The following RRP15 variants were observed in gnomAD, a reference collection of about 807,000 sequenced individuals.
RRP15 encodes RRP15-like protein.
In RRP15, 18 loss-of-function variants were observed where a neutral mutation model predicts 27.1. That is an observed-to-expected ratio of 0.66 (90% confidence interval 0.46 to 0.98). The LOEUF (loss-of-function observed/expected upper bound fraction) is 0.98. RRP15 is among the 50% of genes least tolerant of loss of function. The probability of loss-of-function intolerance (pLI) is 0.00; values close to 1 mark genes in which losing one functional copy is unlikely to be tolerated. For synonymous variants in RRP15, 107 were observed against 109.4 expected (o/e 0.98, Z 0.14); for missense variants, 359 against 337.8 (o/e 1.06, Z -0.49).
rs1655840322 is a variant in RRP15 at position 218,303,097 on chromosome 1, CTATT to C, written c.405+539_405+542del. On this transcript the variant is annotated intron_variant, in intron 2 of 4. Transcript: ENST00000366932. ...TGATAGTTGTTAGACTAGGTATAAT[CTATT>C]AATTAAAGGCCAAAAGTTGTACATA... Among the ~76,000 whole-genome samples, 4 of 152,024 alleles carry C rather than the reference CTATT, an allele frequency of 2.6e-5. No individual in the cohort carries two copies. In the South Asian group the frequency reaches 8.3e-4, roughly 31 times the overall value.
At chr1:218,323,533 C>A (rs1656221540) in intron 4 of RRP15, among the ~76,000 whole-genome samples, 1 of 152,150 alleles carries the variant, frequency 6.6e-6, no homozygotes, top group African/African-American at 2.4e-5. Context: ...CCACTCTGGT[C>A]CCCAGGACTG....
Position 218,302,307 on chromosome 1 carries a change from G to C in RRP15, c.153G>C (p.Ser51=). ...TTGGTTCTATAGGAAGCTGTGGATC[G>C]GAAAAGGACCACTTTTATTCTGATG... ...DTSDSEGSCG[S]EKDHFYSDDD... is the part of the protein sequence containing the mutation. Residue 51 remains serine, a synonymous_variant, in exon 2 of 5, where the codon TCG becomes TCC. Transcript: ENST00000366932. 3 of 1,612,300 alleles carry C rather than the reference G, an allele frequency of 1.9e-6. No individual in the cohort carries two copies. The highest frequency in any genetic ancestry group is 2.5e-6 in the Non-Finnish European group (3 of 1,178,834).
intron 1 of RRP15, among the ~76,000 whole-genome samples, chr1:218,290,460 GTTTGTT>G (rs1655621997): frequency 1.3e-5 from 2 of 151,964 alleles, no homozygotes; most frequent in Admixed American, 6.6e-5. Flanking sequence ...TTGTTTGTTT[GTTTGTT>G]TTTGTTTTTG....
At chr1:218,301,053 C>T (rs1431146456) in intron 1 of RRP15, among the ~76,000 whole-genome samples, 1 of 152,138 alleles carries the variant, frequency 6.6e-6, no homozygotes, top group Admixed American at 6.5e-5. Context: ...AATATTGTTA[C>T]ATTTGTAGAG....
chr1:218,300,928 G>C (rs1053938896), intron 1 of RRP15, among the ~76,000 whole-genome samples: 8 of 152,280 alleles, frequency 5.3e-5, no homozygotes, highest in African/African-American at 1.9e-4. Context: ...ACAGAATTGA[G>C]TAAAGTAAGG....
rs1250355559 is a variant in RRP15, at chr1:218,335,919, TA to T, written c.*4830del. 1 of 152,234 alleles carries T rather than the reference TA, an allele frequency of 6.6e-6. No individual in the cohort carries two copies. The highest frequency in any genetic ancestry group is 1.5e-5 in the Non-Finnish European group (1 of 68,042). The allele number at this position is 152,234 out of a possible 1,614,324, so 9.4% of individuals were successfully genotyped here. On this transcript the variant is annotated 3_prime_UTR_variant, in exon 5 of 5. Coordinates refer to ENST00000366932, the MANE Select transcript of RRP15 (RefSeq NM_016052.4). ...GTCCTTAAATGTTAAGCCACTTAGTTAATAACAAATAGCATTTGGTTTTTTA... is the reference window on the plus strand; with the variant it reads ...GTCCTTAAATGTTAAGCCACTTAGTTATAACAAATAGCATTTGGTTTTTTA...
intron 1 of RRP15, among the ~76,000 whole-genome samples, chr1:218,298,426 G>A (rs1389437063): frequency 6.6e-6 from 1 of 152,100 alleles, no homozygotes; most frequent in Non-Finnish European, 1.5e-5. Context: ...GAGAAACCTA[G>A]ATTTAGATTT....
chr1:218,302,508 G>T lies in RRP15; in HGVS notation c.354G>T (p.Leu118=), dbSNP rs747858158. 1.9e-5 allele frequency: 31 copies of T among 1,612,628 alleles called. No homozygotes were observed. The highest frequency in any genetic ancestry group is 2.6e-5 in the Non-Finnish European group (31 of 1,179,668). The change falls in exon 2 of 5, where the codon CTG becomes CTT. Residue 118 remains leucine, a synonymous_variant. Transcript: ENST00000366932. The part of the protein sequence containing the change: ...KPTILVKNKK[L]EKEKEKLKQE... ...CTATTCTGGTCAAAAATAAGAAGCT[G>T]GAAAAGGAAAAAGAAAAGTTAAAGC...
intron 4 of RRP15, among the ~76,000 whole-genome samples, chr1:218,308,521 T>G (rs1242059056): frequency 6.6e-6 from 1 of 152,208 alleles, no homozygotes; most frequent in Non-Finnish European, 1.5e-5. Flanking sequence ...CAAAGGTACT[T>G]TTAATCAGTC....
At chr1:218,320,635 GGTACATATGTC>G (rs1321931974) in intron 4 of RRP15, among the ~76,000 whole-genome samples, 13 of 151,782 alleles carry the variant, frequency 8.6e-5, no homozygotes, top group African/African-American at 3.1e-4. Flanking sequence ...ATATGTAGTG[GGTACATATGTC>G]CACATTTTGC....
At chr1:218,311,890 G>A (rs183098009) in intron 4 of RRP15, among the ~76,000 whole-genome samples, 3 of 152,198 alleles carry the variant, frequency 2.0e-5, no homozygotes, top group Admixed American at 6.5e-5. Context: ...AGGTAATCTC[G>A]AATTATTCGG....
At position 218,302,289 on chromosome 1, in the gene RRP15, T is replaced by G; in HGVS notation, c.140-5T>G. On this transcript the variant is annotated splice_polypyrimidine_tract_variant and splice_region_variant and intron_variant, in intron 1 of 4. Coordinates refer to ENST00000366932, the MANE Select transcript of RRP15 (RefSeq NM_016052.4). ...TTAATTTGCCTTTACTCTTTGGTTC[T>G]ATAGGAAGCTGTGGATCGGAAAAGG... 6.2e-7 allele frequency: 1 copy of G among 1,609,670 alleles called. No homozygotes were observed. The highest frequency in any genetic ancestry group is 1.1e-5 in the South Asian group (1 of 90,836).
At chr1:218,293,942 A>G (rs1032606519) in intron 1 of RRP15, among the ~76,000 whole-genome samples, 2 of 152,140 alleles carry the variant, frequency 1.3e-5, no homozygotes, top group Admixed American at 6.5e-5. Flanking sequence ...CTTTTCTCAT[A>G]TACTAGATTA....
intron 2 of RRP15, among the ~76,000 whole-genome samples, chr1:218,303,998 A>T (rs1044124777): frequency 6.6e-6 from 1 of 152,124 alleles, no homozygotes; most frequent in Admixed American, 6.6e-5. Context: ...TAAAAGTAAG[A>T]TTTTAAAAAA....
At chr1:218,323,215 A>T (rs758082964) in intron 4 of RRP15, among the ~76,000 whole-genome samples, 8 of 152,152 alleles carry the variant, frequency 5.3e-5, no homozygotes, top group Non-Finnish European at 1.2e-4. Flanking sequence ...AGCAAGGGAC[A>T]TATTTCAGCG....
intron 4 of RRP15, among the ~76,000 whole-genome samples, chr1:218,323,796 C>G (rs1656227196): frequency 6.6e-6 from 1 of 152,182 alleles, no homozygotes; most frequent in South Asian, 2.1e-4. Context: ...CAGCGCTGCC[C>G]CCAGTGTGCG....
intron 1 of RRP15, among the ~76,000 whole-genome samples, chr1:218,295,307 G>C (rs1023565431): frequency 6.6e-6 from 1 of 152,168 alleles, no homozygotes; most frequent in Non-Finnish European, 1.5e-5. Context: ...TCTTGGGACA[G>C]GGTGCGGGGG....
chr1:218,295,463 G>A (rs1244225001), intron 1 of RRP15, among the ~76,000 whole-genome samples: 4 of 152,156 alleles, frequency 2.6e-5, no homozygotes, highest in Admixed American at 6.5e-5. Flanking sequence ...GGTTTTCCAG[G>A]CAGCTAAAAA....
intron 4 of RRP15, among the ~76,000 whole-genome samples, chr1:218,309,947 T>C (rs1655966394): frequency 6.6e-6 from 1 of 152,152 alleles, no homozygotes; most frequent in African/African-American, 2.4e-5. Flanking sequence ...GTGTACTATT[T>C]ATTTAGAGCA....
Sources: allele counts gnomAD v4.1 joint callset (sites outside exome capture counted in the v4.1 genomes callset), GRCh38; gene constraint gnomAD v4.1.1; transcripts MANE v1.5; gene names NCBI Gene and HGNC (gene_info 2026-07-23, HGNC 2026-07-21).